SPC25: variants seen among roughly 807,000 people sequenced by gnomAD.
The protein encoded by SPC25 is SPC25 component of NDC80 kinetochore complex.
A neutral mutation model predicts 29.6 loss-of-function variants in SPC25; 22 were observed. The ratio of observed to expected loss-of-function variants is 0.74; its 90% CI spans 0.53 to 1.06. SPC25 has a LOEUF of 1.06. Ranked by LOEUF, SPC25 falls within the 50% of genes least tolerant of loss-of-function variation. The pLI, the probability that SPC25 is intolerant of heterozygous loss-of-function variation, is 0.00. For synonymous variants in SPC25, 91 were observed against 90.4 expected (o/e 1.01, Z -0.04); for missense variants, 230 against 255.8 (o/e 0.90, Z 0.69).
At position 168,888,972 on chromosome 2, in the gene SPC25, T is replaced by TATACAC. The variant is rs572773262; in HGVS notation, c.199+253_199+254insGTGTAT. Among the ~76,000 whole-genome samples, 130 of 103,276 alleles carry TATACAC rather than the reference T, an allele frequency of 1.3e-3. 11 individuals carry two copies. The South Asian group carries it at 0.016, about 13-fold the overall frequency. The allele number at this position is 103,276 out of a possible 152,430, so 67.8% of individuals were successfully genotyped here. ...GTGTGTGTGTGTATATATATATATA[T>TATACAC]ACACACACACATATATATGTATATA... On this transcript the variant is annotated intron_variant, in intron 3 of 6. Coordinates refer to ENST00000282074, the MANE Select transcript of SPC25 (RefSeq NM_020675.4).
downstream of SPC25, among the ~76,000 whole-genome samples, chr2:168,869,432 T>C (rs1422195469): frequency 6.6e-6 from 1 of 152,214 alleles, no homozygotes; most frequent in Non-Finnish European, 1.5e-5. Context: ...TGTTTGCAGA[T>C]GACATGATTG....
intron 4 of SPC25, chr2:168,862,183 C>A (rs1689500222): frequency 1.4e-6 from 1 of 729,306 alleles, no homozygotes; most frequent in African/African-American, 1.8e-5. Context: ...GAAAGATAAG[C>A]ACATCTAAAA....
In SPC25 at chr2:168,878,691, A is replaced by G. The variant is rs115260031; in HGVS notation, c.200-1307T>C. 2.0e-3 allele frequency among the ~76,000 whole-genome samples: 311 copies of G among 152,356 alleles called. 1 individual carries two copies. The highest frequency in any genetic ancestry group is 7.2e-3 in the African/African-American group (298 of 41,582). On this transcript the variant is annotated intron_variant, in intron 3 of 6. Transcript: ENST00000282074. The stretch of plus-strand genomic sequence containing the variant: ...ATTTGTGGTACTACACCCCAAAAAA[A>G]TCAATAGTTTTTGTACATAACACCA...
Position 168,864,851 on chromosome 2 carries a change from C to T in SPC25, n.419+8734G>A, listed in dbSNP as rs373502252. On this transcript the variant is annotated intron_variant and non_coding_transcript_variant, in intron 4 of 4. Coordinates refer to the SPC25 transcript ENST00000479309. ...TTTCACAGGTGACATTGTGATTATA[C>T]ACGAGAAAAAAGAAGGAGGATGGTG... 5 of 1,613,818 alleles carry T rather than the reference C, an allele frequency of 3.1e-6. No homozygotes were observed. Among genetic ancestry groups the T allele is most frequent in the East Asian group, 4.5e-5 (2 of 44,858 alleles).
chr2:168,888,882 C>T (rs888812388), intron 3 of SPC25, among the ~76,000 whole-genome samples: 2 of 145,672 alleles, frequency 1.4e-5, no homozygotes, highest in African/African-American at 2.5e-5. Flanking sequence ...CCAACTTGGC[C>T]TCCCAAAGTG....
Position 168,871,505 on chromosome 2 carries a change from C to G in SPC25, c.601G>C (p.Val201Leu). 1.2e-6 allele frequency: 2 copies of G among 1,609,180 alleles called. No individual in the cohort carries two copies. Among genetic ancestry groups the G allele is most frequent in the Admixed American group, 3.4e-5 (2 of 59,480 alleles). ...GCTGAAAAATTGTTGGTCTTCCTTACATTCTCTTGAAATTCTGCTAGGCCC... is the reference window on the plus strand; with the variant it reads ...GCTGAAAAATTGTTGGTCTTCCTTAGATTCTCTTGAAATTCTGCTAGGCCC... ...LEGLAEFQEN[V>L]RKTNNFSAFL... Residue 201 changes from valine to leucine, a missense_variant, in exon 7 of 7, where the codon GTA becomes CTA. Transcript: ENST00000282074.
chr2:168,871,702 T>C (rs1184208472), intron 6 of SPC25, 147 bp from the exon 7 acceptor site: 2 of 706,526 alleles, frequency 2.8e-6, no homozygotes, highest in East Asian at 2.9e-5. Flanking sequence ...TACACTTGAT[T>C]TTCCTATGCC....
At chr2:168,879,786 T>A (rs1048559150) in intron 3 of SPC25, among the ~76,000 whole-genome samples, 1 of 152,192 alleles carries the variant, frequency 6.6e-6, no homozygotes, top group Non-Finnish European at 1.5e-5. Context: ...TAATGAGACA[T>A]GAAAGTCAAA....
intron 4 of SPC25, among the ~76,000 whole-genome samples, chr2:168,864,393 C>G (rs1689715631): frequency 2.6e-5 from 4 of 151,988 alleles, no homozygotes; most frequent in South Asian, 4.1e-4. Flanking sequence ...TTCAAGGATT[C>G]TCCTGCCTCA....
chr2:168,874,883 T>C lies in SPC25; in HGVS notation c.451+1189A>G, dbSNP rs1020850176. On this transcript the variant is annotated intron_variant, in intron 5 of 6. Transcript: ENST00000282074. ...TTTGCCCCACGTGCTATTGTTTCTT[T>C]GCTGATTCTGTTCTGTATCCTTTTG... is the stretch of plus-strand genomic sequence containing the variant. Among the ~76,000 whole-genome samples, 8 of 152,314 alleles carry C rather than the reference T, an allele frequency of 5.3e-5. No homozygotes were observed. In the East Asian group the frequency reaches 9.6e-4, roughly 18 times the overall value.
At chr2:168,873,339 G>T (rs3821116) in intron 6 of SPC25, among the ~76,000 whole-genome samples, 60,004 of 151,974 alleles carry the variant, frequency 0.39, 12,267 homozygotes, top group Non-Finnish European at 0.45. Flanking sequence ...TTTGTTTTTA[G>T]ATTGTTCAGA....
downstream of SPC25, among the ~76,000 whole-genome samples, chr2:168,868,015 C>G (rs1489346320): frequency 6.6e-6 from 1 of 152,198 alleles, no homozygotes; most frequent in Non-Finnish European, 1.5e-5. Flanking sequence ...TCTCAGACCA[C>G]AGTGCAACCA....
rs556301402 is a variant in SPC25, at chr2:168,864,708, A to G, written n.419+8877T>C. On this transcript the variant is annotated intron_variant and non_coding_transcript_variant, in intron 4 of 4. Coordinates refer to the SPC25 transcript ENST00000479309. Reference sequence around the variant, plus strand: ...GTTCGATACATTTGGCTTCATCTGAATCAAGTGCAGAAAATGACACTACCA... The same window carrying G: ...GTTCGATACATTTGGCTTCATCTGAGTCAAGTGCAGAAAATGACACTACCA... 910 of 1,071,972 alleles carry G rather than the reference A, an allele frequency of 8.5e-4. 1 individual carries two copies. Among genetic ancestry groups the G allele is most frequent in the Non-Finnish European group, 9.2e-4 (684 of 739,990 alleles). 66.4% of individuals were successfully genotyped at this position (1,071,972 alleles called of 1,614,324 possible). A position where few individuals can be genotyped will look rare whatever the true frequency, so the allele number is the denominator to read the frequency against.
At chr2:168,864,724 G>A (rs1689745602) in intron 4 of SPC25, 1 of 1,267,160 alleles carries the variant, frequency 7.9e-7, no homozygotes, top group Non-Finnish European at 1.1e-6. Flanking sequence ...TGCAGAAAAT[G>A]ACACTACCAA....
intron 4 of SPC25, chr2:168,865,129 A>T: frequency 2.6e-6 from 2 of 765,512 alleles, no homozygotes; most frequent in Middle Eastern, 3.1e-4. Context: ...TATTAGCTTG[A>T]AACAGTCAGA....
At chr2:168,864,881 G>A in intron 4 of SPC25, 1 of 1,613,984 alleles carries the variant, frequency 6.2e-7, no homozygotes, top group Non-Finnish European at 8.5e-7. Flanking sequence ...ATGGTGGTTT[G>A]GATCTTTGAA....
chr2:168,877,866 G>A (rs375139136), intron 3 of SPC25, among the ~76,000 whole-genome samples: 4 of 151,720 alleles, frequency 2.6e-5, no homozygotes, highest in Non-Finnish European at 4.4e-5. Context: ...ACCACATCAC[G>A]CCTGGCTGAT....
At chr2:168,886,425 G>A (rs547930097) in intron 3 of SPC25, among the ~76,000 whole-genome samples, 7 of 151,940 alleles carry the variant, frequency 4.6e-5, no homozygotes, top group Non-Finnish European at 7.4e-5. Context: ...TATACTTTAT[G>A]CACTGTTGTC....
rs796932662 is a variant in SPC25, at chr2:168,888,957, G to GTATA, written c.199+265_199+268dup. Among the ~76,000 whole-genome samples the GTATA allele has an allele frequency of 8.8e-4, 81 of 91,668 alleles. 6 individuals are homozygous for GTATA. Among genetic ancestry groups the GTATA allele is most frequent in the African/African-American group, 3.2e-3 (69 of 21,550 alleles). 60.1% of individuals were successfully genotyped at this position (91,668 alleles called of 152,430 possible). A position where few individuals can be genotyped will look rare whatever the true frequency, so the allele number is the denominator to read the frequency against. ...TGTGTGTGTGTGTGTGTGTGTGTGT[G>GTATA]TATATATATATATATACACACACAC... On this transcript the variant is annotated intron_variant, in intron 3 of 6. Coordinates refer to ENST00000282074, the MANE Select transcript of SPC25 (RefSeq NM_020675.4).
Sources: gnomAD v4.1 joint callset for allele counts (sites outside exome capture counted in the v4.1 genomes callset) on GRCh38, gnomAD v4.1.1 for gene constraint, MANE v1.5 for transcripts, NCBI Gene and HGNC (gene_info 2026-07-23, HGNC 2026-07-21) for gene names.